The following GALNT13 variants were observed in gnomAD, a reference collection of about 807,000 sequenced individuals.
GALNT13 encodes the protein UDP-GalNAc:polypeptide N-acetylgalactosaminyltransferase 13.
Under a neutral mutation model 64.2 loss-of-function variants are expected in GALNT13, and 28 were observed. The ratio of observed to expected loss-of-function variants is 0.44; its 90% CI spans 0.32 to 0.60. The LOEUF is 0.60. GALNT13 is among the 20% of genes least tolerant of loss of function. GALNT13 has a pLI of 0.05. For missense variants in GALNT13, 577 were observed against 669.8 expected, an observed-to-expected ratio of 0.86 and a Z score of 1.53; for synonymous variants, 214 against 224.6, an observed-to-expected ratio of 0.95 and a Z score of 0.42.
chr2:153,339,985 CT>C, the GALNT13 span, among the ~76,000 whole-genome samples: 41 of 152,236 alleles, frequency 2.7e-4, no homozygotes, highest in African/African-American at 9.9e-4. Flanking sequence ...CTGTAACACA[CT>C]GTCTTTATTA....
chr2:153,500,620 A>G, the GALNT13 span, among the ~76,000 whole-genome samples: 1 of 152,222 alleles, frequency 6.6e-6, no homozygotes, highest in African/African-American at 2.4e-5. Context: ...GGTCACAGGA[A>G]TAAGCAGGCT....
At chr2:154,150,745 AGTTT>A (rs770569193) in intron 4 of GALNT13, among the ~76,000 whole-genome samples, 3 of 152,128 alleles carry the variant, frequency 2.0e-5, no homozygotes, top group Non-Finnish European at 4.4e-5. Flanking sequence ...CTCAGATGGT[AGTTT>A]GTTTTTCTGT....
At chr2:153,168,133 G>A in the GALNT13 span, among the ~76,000 whole-genome samples, 1 of 152,170 alleles carries the variant, frequency 6.6e-6, no homozygotes, top group East Asian at 1.9e-4. Flanking sequence ...GGATAGTAGA[G>A]GAAGGCAAGA....
chr2:153,219,075 A>G, the GALNT13 span, among the ~76,000 whole-genome samples: 1 of 152,228 alleles, frequency 6.6e-6, no homozygotes, highest in African/African-American at 2.4e-5. Context: ...ATCAGACTTC[A>G]TCTAAATGTT....
chr2:153,700,140 T>C, the GALNT13 span, among the ~76,000 whole-genome samples: 1 of 152,150 alleles, frequency 6.6e-6, no homozygotes, highest in Non-Finnish European at 1.5e-5. Context: ...AAAAAGCTTA[T>C]CCACCACCAC....
chr2:154,182,588 A>G (rs979261823), intron 4 of GALNT13, among the ~76,000 whole-genome samples: 1 of 150,444 alleles, frequency 6.6e-6, no homozygotes, highest in African/African-American at 2.4e-5. Flanking sequence ...AACTAATTTT[A>G]TCTGTTTTAT....
At chr2:154,382,105 ATGT>A (rs985104849) in intron 9 of GALNT13, among the ~76,000 whole-genome samples, 3 of 152,082 alleles carry the variant, frequency 2.0e-5, no homozygotes, top group South Asian at 4.1e-4. Flanking sequence ...CATTACACAC[ATGT>A]TGTTTCCTTT....
the GALNT13 span, among the ~76,000 whole-genome samples, chr2:153,296,661 T>C: frequency 2.0e-5 from 3 of 152,198 alleles, no homozygotes; most frequent in Non-Finnish European, 4.4e-5. Context: ...AAGGGCCAGA[T>C]AGAAACTGTG....
chr2:153,955,118 C>T (rs1473444810), intron 3 of GALNT13, among the ~76,000 whole-genome samples: 3 of 152,110 alleles, frequency 2.0e-5, no homozygotes, highest in Non-Finnish European at 2.9e-5. Context: ...ATTTAGATTG[C>T]AGTTTTTCTC....
chr2:154,135,950 G>A (rs999395464), intron 3 of GALNT13, among the ~76,000 whole-genome samples: 1 of 152,128 alleles, frequency 6.6e-6, no homozygotes, highest in Non-Finnish European at 1.5e-5. Flanking sequence ...TTTTTGTGGT[G>A]GGGGGTGGTG....
At chr2:153,381,192 C>T in the GALNT13 span, among the ~76,000 whole-genome samples, 1 of 152,146 alleles carries the variant, frequency 6.6e-6, no homozygotes, top group African/African-American at 2.4e-5. Flanking sequence ...AGCCATCGAT[C>T]CTCCTCATCC....
At chr2:153,378,413 T>C in the GALNT13 span, among the ~76,000 whole-genome samples, 1 of 152,256 alleles carries the variant, frequency 6.6e-6, no homozygotes, top group East Asian at 1.9e-4. Context: ...GTTTGTGATA[T>C]CAATATGAAA....
Position 154,450,551 on chromosome 2 carries a change from A to G in GALNT13, c.1671A>G (p.Ter557TrpextTer39). ...TAAGGAACATGACCTTGGGCACATG[A>G]AGATCATGTCCTCCAAGCCATGAAA... ...WLLRNMTLGT[*>W] is the part of the protein sequence containing the mutation. The change falls in exon 13 of 13, where the codon TGA (stop) becomes TGG (tryptophan). Residue 557 changes from the stop codon to tryptophan (W), a stop_lost. Coordinates refer to ENST00000392825, the MANE Select transcript of GALNT13 (RefSeq NM_052917.4). 6.3e-7 allele frequency: 1 copy of G among 1,597,778 alleles called. No individual in the cohort carries two copies. Among genetic ancestry groups the G allele is most frequent in the Non-Finnish European group, 8.5e-7 (1 of 1,174,520 alleles).
At chr2:153,586,863 A>C in the GALNT13 span, among the ~76,000 whole-genome samples, 1 of 152,202 alleles carries the variant, frequency 6.6e-6, no homozygotes, top group Non-Finnish European at 1.5e-5. Context: ...TAAAACTAGA[A>C]ATCAATAGCA....
the GALNT13 span, among the ~76,000 whole-genome samples, chr2:153,155,325 A>G: frequency 6.6e-6 from 1 of 152,122 alleles, no homozygotes; most frequent in African/African-American, 2.4e-5. Flanking sequence ...CTTCTGGTAG[A>G]ATTCAGCTGT....
At chr2:154,025,538 G>A (rs559463538) in intron 3 of GALNT13, among the ~76,000 whole-genome samples, 213 of 64,384 alleles carry the variant, frequency 3.3e-3, no homozygotes, top group South Asian at 8.3e-3. Context: ...ATGAAGTTTC[G>A]AAGGCATGGT....
chr2:153,281,879 A>C, the GALNT13 span, among the ~76,000 whole-genome samples: 17 of 143,430 alleles, frequency 1.2e-4, no homozygotes, highest in Admixed American at 4.2e-4. Context: ...TGTTTTGGTG[A>C]TCTTCATTTC....
At chr2:153,432,529 T>G in the GALNT13 span, among the ~76,000 whole-genome samples, 1 of 152,178 alleles carries the variant, frequency 6.6e-6, no homozygotes, top group Admixed American at 6.6e-5. Context: ...TCAAGGTCAG[T>G]GACCCTACAA....
chr2:153,432,991 C>G, the GALNT13 span, among the ~76,000 whole-genome samples: 1 of 151,922 alleles, frequency 6.6e-6, no homozygotes, highest in East Asian at 1.9e-4. Flanking sequence ...CGCACTCATG[C>G]ACGTGCACAC....
Sources: gnomAD v4.1 joint callset for allele counts (sites outside exome capture counted in the v4.1 genomes callset) on GRCh38, gnomAD v4.1.1 for gene constraint, MANE v1.5 for transcripts, NCBI Gene and HGNC (gene_info 2026-07-23, HGNC 2026-07-21) for gene names.